NPHP1: variants seen among roughly 807,000 people sequenced by gnomAD.
NPHP1 encodes nephrocystin-1.
NPHP1 carries 70 observed loss-of-function variants against 90.4 expected under a neutral mutation model. That is an observed-to-expected ratio of 0.77 (90% CI 0.64 to 0.95). The LOEUF (loss-of-function observed/expected upper bound fraction) is 0.95. Ranked by LOEUF, NPHP1 falls within the 40% of genes least tolerant of loss-of-function variation. The pLI is 0.00. For synonymous variants in NPHP1, 256 were observed against 271.7 expected (o/e 0.94, Z 0.57); for missense variants, 764 against 795.9 (o/e 0.96, Z 0.48).
chr2:110,166,268 G>A (rs921544314), intron 6 of NPHP1, among the ~76,000 whole-genome samples: 1 of 152,098 alleles, frequency 6.6e-6, no homozygotes, highest in Non-Finnish European at 1.5e-5. Context: ...GGGGATAATC[G>A]GGCAAGTGTG....
chr2:110,188,838 A>C (rs1167475222), intron 2 of NPHP1, among the ~76,000 whole-genome samples: 1 of 152,070 alleles, frequency 6.6e-6, no homozygotes, highest in Non-Finnish European at 1.5e-5. Flanking sequence ...CAGAAATAAG[A>C]CTTGCACACC....
intron 17 of NPHP1, 96 bp from the exon 18 acceptor site, chr2:110,129,355 C>T: frequency 1.1e-6 from 1 of 932,424 alleles, no homozygotes; most frequent in East Asian, 2.6e-5. Flanking sequence ...AATTATTGTG[C>T]CAAATGATTT....
Position 110,140,104 on chromosome 2 carries a change from A to G in NPHP1, c.1529+3438T>C, listed in dbSNP as rs60717116. Among the ~76,000 whole-genome samples the G allele has an allele frequency of 6.2e-3, 942 of 151,660 alleles. 9 individuals carry two copies. Among genetic ancestry groups the G allele is most frequent in the African/African-American group, 0.022 (909 of 41,296 alleles). On this transcript the variant is annotated intron_variant, in intron 16 of 19. Coordinates refer to ENST00000445609, the MANE Select transcript of NPHP1 (RefSeq NM_001128178.3). Reference sequence around the variant, plus strand: ...CCATAAGCTGGTTTCTGTGCGAGCCAGCCTGGAGTTGCACCAGCAGTGTGT... The same window carrying G: ...CCATAAGCTGGTTTCTGTGCGAGCCGGCCTGGAGTTGCACCAGCAGTGTGT...
At chr2:110,156,202 T>C (rs1193603491) in intron 11 of NPHP1, among the ~76,000 whole-genome samples, 1 of 151,764 alleles carries the variant, frequency 6.6e-6, no homozygotes, top group Non-Finnish European at 1.5e-5. Flanking sequence ...CTCAGCCTCC[T>C]GAGTAGCTGG....
At chr2:110,187,738 C>T (rs1684397589) in intron 2 of NPHP1, among the ~76,000 whole-genome samples, 1 of 152,072 alleles carries the variant, frequency 6.6e-6, no homozygotes, top group African/African-American at 2.4e-5. Context: ...AGCCAATATC[C>T]TTCATGAACA....
In NPHP1 at chr2:110,126,095, C is replaced by T; in HGVS notation, c.1717-414G>A. On this transcript the variant is annotated intron_variant, in intron 18 of 19. Coordinates refer to ENST00000445609, the MANE Select transcript of NPHP1 (RefSeq NM_001128178.3). ...TCTCTGTCATGATGATGACAATGGTCAGAATGAGACAGACTGAAGTACAAT... is the reference window on the plus strand; with the variant it reads ...TCTCTGTCATGATGATGACAATGGTTAGAATGAGACAGACTGAAGTACAAT... 1.7e-5 allele frequency: 4 copies of T among 234,484 alleles called. No individual in the cohort carries two copies. In the South Asian group the frequency reaches 2.5e-4, roughly 15 times the overall value. 14.5% of individuals were successfully genotyped at this position (234,484 alleles called of 1,614,324 possible). A position where few individuals can be genotyped will look rare whatever the true frequency, so the allele number is the denominator to read the frequency against.
chr2:110,182,024 G>GA (rs1363890405), intron 2 of NPHP1, among the ~76,000 whole-genome samples: 1 of 152,058 alleles, frequency 6.6e-6, no homozygotes, highest in African/African-American at 2.4e-5. Context: ...CAAGGCAGAG[G>GA]AAAGAATCTC....
chr2:110,203,149 T>C (rs1373441635), intron 1 of NPHP1, among the ~76,000 whole-genome samples: 4 of 152,080 alleles, frequency 2.6e-5, no homozygotes. Context: ...GAGGCCATTG[T>C]CCTAAGTGAA....
At position 110,147,676 on chromosome 2, in the gene NPHP1, T is replaced by G. The variant is rs73954620; in HGVS notation, c.1269+240A>C. Among the ~76,000 whole-genome samples the G allele has an allele frequency of 0.025, 3,758 of 152,270 alleles. 161 individuals are homozygous for G. Among genetic ancestry groups the G allele is most frequent in the African/African-American group, 0.086 (3,588 of 41,534 alleles). On this transcript the variant is annotated intron_variant, in intron 13 of 19. Transcript: ENST00000445609. ...TGCAAAGTCCCATCCTTTTTGAATT[T>G]TTATTCTTTAAAAGCACTGGAGTTC...
Position 110,136,900 on chromosome 2 carries a change from A to G in NPHP1, c.1530-5109T>C, listed in dbSNP as rs530454608. On this transcript the variant is annotated intron_variant, in intron 16 of 19. Coordinates refer to ENST00000445609, the MANE Select transcript of NPHP1 (RefSeq NM_001128178.3). ...AAGCCAAAAGAACAAAGCTGGAGGC[A>G]TCACGCTACCTGACTTCAAACTATA... Among the ~76,000 whole-genome samples, 20 of 152,310 alleles carry G rather than the reference A, an allele frequency of 1.3e-4. No homozygotes were observed. In the East Asian group the frequency reaches 3.5e-3, roughly 26 times the overall value.
At chr2:110,204,762 G>A (rs1685820642) in intron 1 of NPHP1, 138 bp downstream of exon 1, 14 of 810,724 alleles carry the variant, frequency 1.7e-5, no homozygotes, top group Non-Finnish European at 2.7e-5. Flanking sequence ...TGGGGTAAGG[G>A]GGCGTTACAA....
intron 4 of NPHP1, 75 bp downstream of exon 4, chr2:110,178,348 T>A (rs750503200): frequency 7.2e-7 from 1 of 1,392,212 alleles, no homozygotes; most frequent in African/African-American, 1.4e-5. Flanking sequence ...CTGCTATATG[T>A]CTTTGAGTTA....
chr2:110,178,151 T>G, intron 4 of NPHP1: 1 of 510,106 alleles, frequency 2.0e-6, no homozygotes, highest in South Asian at 3.2e-5. Flanking sequence ...ATCATCTTTA[T>G]TTTCTAACAT....
chr2:110,144,390 A>C, intron 15 of NPHP1, 103 bp downstream of exon 15: 1 of 737,350 alleles, frequency 1.4e-6, no homozygotes, highest in Non-Finnish European at 2.4e-6. Flanking sequence ...TAAAAGTGTG[A>C]ATTCAAGTAA....
At chr2:110,161,219 TC>T (rs1231071511) in intron 10 of NPHP1, among the ~76,000 whole-genome samples, 1 of 152,132 alleles carries the variant, frequency 6.6e-6, no homozygotes, top group African/African-American at 2.4e-5. Flanking sequence ...ATGGCTAACA[TC>T]TATTGAGTTC....
chr2:110,171,132 G>C (rs765691769), intron 4 of NPHP1, among the ~76,000 whole-genome samples: 5 of 152,146 alleles, frequency 3.3e-5, no homozygotes, highest in African/African-American at 4.8e-5. Flanking sequence ...AAACAGCATA[G>C]GGATGAAGAG....
intron 11 of NPHP1, among the ~76,000 whole-genome samples, chr2:110,153,975 C>T (rs1681693324): frequency 7.2e-6 from 1 of 139,640 alleles, no homozygotes; most frequent in South Asian, 2.7e-4. Context: ...AAAAGCAAAA[C>T]TCCATCTCAA....
chr2:110,183,651 T>C (rs770905230), intron 2 of NPHP1, among the ~76,000 whole-genome samples: 7 of 152,140 alleles, frequency 4.6e-5, no homozygotes, highest in Non-Finnish European at 7.4e-5. Context: ...CCCAGATTCA[T>C]ACAGCAAGTT....
Position 110,170,007 on chromosome 2 carries a change from A to C in NPHP1, c.330-9T>G, listed in dbSNP as rs748197517. On this transcript the variant is annotated splice_polypyrimidine_tract_variant and intron_variant, in intron 4 of 19. Coordinates refer to ENST00000445609, the MANE Select transcript of NPHP1 (RefSeq NM_001128178.3). ...CAGTAGGTGCCCCAACTCTACAAAA[A>C]GTGTTTCTGAGTAGGACTACTTGAA... is the stretch of plus-strand genomic sequence containing the variant. The C allele has an allele frequency of 2.5e-5, 41 of 1,613,032 alleles. No homozygotes were observed. The highest frequency in any genetic ancestry group is 1.0e-4 in the Admixed American group (6 of 59,984).
Sources: allele counts gnomAD v4.1 joint callset (sites outside exome capture counted in the v4.1 genomes callset), GRCh38; gene constraint gnomAD v4.1.1; transcripts MANE v1.5; gene names NCBI Gene and HGNC (gene_info 2026-07-23, HGNC 2026-07-21).